The following MASP1 variants were observed in gnomAD, a reference collection of about 807,000 sequenced individuals.
MASP1 encodes mannan-binding lectin serine protease 1.
A neutral mutation model predicts 77.1 loss-of-function variants in MASP1; 59 were observed. That is an observed-to-expected ratio of 0.77 (90% CI 0.62 to 0.95). The LOEUF (loss-of-function observed/expected upper bound fraction) is 0.95, where lower values mean the gene tolerates loss of function less well. MASP1 is among the 40% of genes least tolerant of loss of function. MASP1 has a pLI of 0.00. For synonymous variants in MASP1, 362 were observed against 354.5 expected, an observed-to-expected ratio of 1.02 and a Z score of -0.24; for missense variants, 885 against 912.9, an observed-to-expected ratio of 0.97 and a Z score of 0.39.
At chr3:187,226,913 T>A (rs1712469256) in intron 11 of MASP1, among the ~76,000 whole-genome samples, 1 of 152,172 alleles carries the variant, frequency 6.6e-6, no homozygotes, top group Admixed American at 6.5e-5. Flanking sequence ...TTAGCATCAC[T>A]TGGAGGCTTC....
chr3:187,279,793 A>G (rs989577335), intron 2 of MASP1, among the ~76,000 whole-genome samples: 4 of 152,174 alleles, frequency 2.6e-5, no homozygotes, highest in African/African-American at 9.7e-5. Context: ...TCAAACATCA[A>G]CTATTTCCAA....
intron 2 of MASP1, among the ~76,000 whole-genome samples, chr3:187,279,124 G>C (rs1296609330): frequency 6.6e-6 from 1 of 152,210 alleles, no homozygotes; most frequent in Non-Finnish European, 1.5e-5. Flanking sequence ...AATACAGAGG[G>C]ATATTCTTCA....
At chr3:187,255,009 T>C (rs1714953558) in intron 5 of MASP1, among the ~76,000 whole-genome samples, 1 of 152,160 alleles carries the variant, frequency 6.6e-6, no homozygotes, top group African/African-American at 2.4e-5. Flanking sequence ...GGCAGAATTC[T>C]AGGGTGGTCC....
At chr3:187,224,536 C>T (rs529546228) in intron 13 of MASP1, among the ~76,000 whole-genome samples, 5 of 151,552 alleles carry the variant, frequency 3.3e-5, no homozygotes, top group African/African-American at 7.3e-5. Flanking sequence ...TTAGTAGAGA[C>T]GGGGTTTCAC....
At chr3:187,247,206 C>A (rs1296017748) in intron 8 of MASP1, 23 of 1,575,244 alleles carry the variant, frequency 1.5e-5, no homozygotes, top group Non-Finnish European at 2.0e-5. Flanking sequence ...TGTTCAGCAC[C>A]CATTCTAATC....
chr3:187,289,819 T>C (rs1353152355), intron 1 of MASP1, among the ~76,000 whole-genome samples: 1 of 152,166 alleles, frequency 6.6e-6, no homozygotes, highest in Non-Finnish European at 1.5e-5. Context: ...TCAGTGTGGT[T>C]TGGGCAAGTT....
At chr3:187,234,081 C>A (rs1327676624), downstream of MASP1, 1 of 1,264,676 alleles carries the variant, frequency 7.9e-7, no homozygotes, top group East Asian at 5.6e-5. Flanking sequence ...TAAGCCAAGG[C>A]TGTTGGTTAT....
intron 6 of MASP1, among the ~76,000 whole-genome samples, chr3:187,252,038 G>C (rs1349252284): frequency 6.6e-6 from 1 of 152,200 alleles, no homozygotes; most frequent in African/African-American, 2.4e-5. Context: ...TCCAATCCTT[G>C]TCTGATGCTT....
chr3:187,222,833 G>T (rs898191065), intron 14 of MASP1, among the ~76,000 whole-genome samples: 1 of 152,168 alleles, frequency 6.6e-6, no homozygotes, highest in African/African-American at 2.4e-5. Context: ...TTGTCACCAT[G>T]GGGGTGTCTA....
intron 11 of MASP1, chr3:187,226,592 T>A (rs994341251): frequency 9.5e-7 from 1 of 1,053,168 alleles, no homozygotes. Flanking sequence ...GAGCTGAGGA[T>A]CTTCAGGCTA....
At chr3:187,281,600 C>T (rs1717418212) in intron 2 of MASP1, among the ~76,000 whole-genome samples, 3 of 152,324 alleles carry the variant, frequency 2.0e-5, no homozygotes, top group African/African-American at 7.2e-5. Context: ...GCTGCAGGCT[C>T]CTACTGGAGT....
chr3:187,291,145 C>A, intron 1 of MASP1: 1 of 182,772 alleles, frequency 5.5e-6, no homozygotes, highest in Non-Finnish European at 1.2e-5. Context: ...GTTTAACTGG[C>A]AAACTTGTAA....
intron 11 of MASP1, among the ~76,000 whole-genome samples, chr3:187,228,540 T>C (rs980043376): frequency 6.6e-6 from 1 of 152,142 alleles, no homozygotes; most frequent in Admixed American, 6.5e-5. Context: ...CCTCCTCTTG[T>C]TGTATTGTTC....
At chr3:187,283,641 A>G (rs1220507796) in intron 2 of MASP1, among the ~76,000 whole-genome samples, 2 of 152,224 alleles carry the variant, frequency 1.3e-5, no homozygotes, top group African/African-American at 4.8e-5. Flanking sequence ...TCAGGTACCA[A>G]TAAAAGCTAT....
chr3:187,256,126 G>A (rs149175482), intron 5 of MASP1, among the ~76,000 whole-genome samples: 72 of 152,172 alleles, frequency 4.7e-4, no homozygotes, highest in Non-Finnish European at 2.9e-5. Context: ...TTTGCCTGTG[G>A]TATTTGTTCC....
At chr3:187,226,489 G>A in exon 12 of MASP1, 1 of 1,612,362 alleles carries the variant, frequency 6.2e-7, no homozygotes, top group Non-Finnish European at 8.5e-7. Flanking sequence ...ACTGGTGGAG[G>A]CAGTGTGCGG....
intron 5 of MASP1, 96 bp from the exon 6 acceptor site, chr3:187,253,411 T>A: frequency 2.3e-6 from 3 of 1,284,352 alleles, no homozygotes; most frequent in Non-Finnish European, 3.4e-6. Context: ...CACTCTGGGT[T>A]TTCTGGAAGC....
At chr3:187,271,683 CTT>C (rs1716530253) in intron 2 of MASP1, among the ~76,000 whole-genome samples, 1 of 152,112 alleles carries the variant, frequency 6.6e-6, no homozygotes, top group South Asian at 2.1e-4. Flanking sequence ...TAAAAAGAAA[CTT>C]GAGCTCAAAG....
chr3:187,239,604 G>A (rs1023808982), intron 10 of MASP1, among the ~76,000 whole-genome samples: 2 of 152,116 alleles, frequency 1.3e-5, no homozygotes, highest in African/African-American at 4.8e-5. Context: ...GCCAAATGGG[G>A]ATTAGATCCT....
Sources: gnomAD v4.1 joint callset for allele counts (sites outside exome capture counted in the v4.1 genomes callset) on GRCh38, gnomAD v4.1.1 for gene constraint, MANE v1.5 for transcripts, NCBI Gene and HGNC (gene_info 2026-07-23, HGNC 2026-07-21) for gene names.